SUCLG2: variants seen among roughly 807,000 people sequenced by gnomAD.
SUCLG2 encodes the protein succinate-CoA ligase GDP-forming subunit beta.
SUCLG2 carries 42 observed loss-of-function variants against 47.9 expected under a neutral mutation model. That is an observed-to-expected ratio of 0.88 (90% confidence interval 0.69 to 1.14). SUCLG2 has a LOEUF of 1.14. Ranked by LOEUF, SUCLG2 falls within the 50% of genes most tolerant of loss-of-function variation. The probability of loss-of-function intolerance (pLI) is 0.00; values close to 1 mark genes in which losing one functional copy is unlikely to be tolerated. For synonymous variants in SUCLG2, 195 were observed against 197.3 expected, an observed-to-expected ratio of 0.99 and a Z score of 0.10; for missense variants, 571 against 525.9, an observed-to-expected ratio of 1.09 and a Z score of -0.84.
downstream of SUCLG2, among the ~76,000 whole-genome samples, chr3:67,372,615 T>C (rs577397380): frequency 1.6e-4 from 25 of 152,262 alleles, no homozygotes; most frequent in South Asian, 5.0e-3. Context: ...CTTGTGGTGA[T>C]GGAAAGACAA....
At position 67,468,593 on chromosome 3, in the gene SUCLG2, G is replaced by C. The variant is rs79239939; in HGVS notation, c.1062+27205C>G. On this transcript the variant is annotated intron_variant, in intron 9 of 10. Coordinates refer to ENST00000307227, the MANE Select transcript of SUCLG2 (RefSeq NM_003848.4). ...AGAGAGATCAGATGGAATGTGAAGAGAAAGAAAAAGAGATGGGCCAAGGAG... is the reference window on the plus strand; with the variant it reads ...AGAGAGATCAGATGGAATGTGAAGACAAAGAAAAAGAGATGGGCCAAGGAG... 1.8e-4 allele frequency among the ~76,000 whole-genome samples: 27 copies of C among 152,234 alleles called. No homozygotes were observed. In the East Asian group the frequency reaches 5.2e-3, roughly 29 times the overall value.
intron 7 of SUCLG2, among the ~76,000 whole-genome samples, chr3:67,508,219 G>A (rs1705690849): frequency 6.6e-6 from 1 of 152,080 alleles, no homozygotes; most frequent in Non-Finnish European, 1.5e-5. Context: ...TATAAATCCA[G>A]CCCAGAACAC....
At chr3:67,561,602 A>G (rs1357135372) in intron 2 of SUCLG2, among the ~76,000 whole-genome samples, 2 of 152,230 alleles carry the variant, frequency 1.3e-5, no homozygotes, top group Non-Finnish European at 2.9e-5. Flanking sequence ...TTAGAAAAAT[A>G]TGTTAGGCCA....
chr3:67,361,183 A>C (rs1420253606), intron 10 of SUCLG2, among the ~76,000 whole-genome samples: 4 of 151,674 alleles, frequency 2.6e-5, no homozygotes, highest in African/African-American at 7.3e-5. Context: ...AAAAAAAATC[A>C]CTCAAGAGTC....
intron 2 of SUCLG2, among the ~76,000 whole-genome samples, chr3:67,583,465 C>T (rs1204931385): frequency 6.6e-6 from 1 of 152,184 alleles, no homozygotes; most frequent in Non-Finnish European, 1.5e-5. Flanking sequence ...AGCAATTTCA[C>T]TGCTGGGGAT....
chr3:67,565,147 C>G (rs1200711328), intron 2 of SUCLG2, among the ~76,000 whole-genome samples: 2 of 152,192 alleles, frequency 1.3e-5, no homozygotes, highest in Admixed American at 6.5e-5. Context: ...GGTCACTGCA[C>G]TAGGTGCTGA....
chr3:67,363,587 T>C (rs1298909205), intron 10 of SUCLG2, among the ~76,000 whole-genome samples: 1 of 152,178 alleles, frequency 6.6e-6, no homozygotes, highest in African/African-American at 2.4e-5. Flanking sequence ...TATCTAGGCA[T>C]TGAAAAATCA....
intron 9 of SUCLG2, among the ~76,000 whole-genome samples, chr3:67,430,907 A>G (rs1343812465): frequency 1.3e-5 from 2 of 152,226 alleles, no homozygotes; most frequent in Non-Finnish European, 2.9e-5. Context: ...ATCAGGAAGA[A>G]GTTGAATCTC....
At chr3:67,491,361 C>CTTTTT (rs549763218) in intron 9 of SUCLG2, among the ~76,000 whole-genome samples, 1 of 125,854 alleles carries the variant, frequency 7.9e-6, no homozygotes, top group African/African-American at 3.1e-5. Context: ...TTTTCTTTTA[C>CTTTTT]TTTTTTTTTT....
At chr3:67,622,333 T>G (rs1194559377) in intron 1 of SUCLG2, among the ~76,000 whole-genome samples, 1 of 152,314 alleles carries the variant, frequency 6.6e-6, no homozygotes, top group African/African-American at 2.4e-5. Context: ...CTTAGGAAGA[T>G]ACATACATAG....
chr3:67,453,466 T>C (rs1704106055), intron 9 of SUCLG2, among the ~76,000 whole-genome samples: 1 of 152,070 alleles, frequency 6.6e-6, no homozygotes, highest in South Asian at 2.1e-4. Flanking sequence ...TTGGGCCTAT[T>C]TCATAAGGAC....
intron 9 of SUCLG2, among the ~76,000 whole-genome samples, chr3:67,450,437 C>A (rs1704029103): frequency 6.6e-6 from 1 of 152,144 alleles, no homozygotes; most frequent in African/African-American, 2.4e-5. Context: ...CACCAAGAGA[C>A]TTTCTTGAGA....
At chr3:67,495,050 A>C (rs761682935) in intron 9 of SUCLG2, among the ~76,000 whole-genome samples, 15 of 152,202 alleles carry the variant, frequency 9.9e-5, no homozygotes, top group Non-Finnish European at 2.1e-4. Context: ...CATACAAAAG[A>C]AGGTGGGGCC....
intron 2 of SUCLG2, among the ~76,000 whole-genome samples, chr3:67,592,158 AAAT>A (rs1708180266): frequency 6.6e-6 from 1 of 152,184 alleles, no homozygotes; most frequent in East Asian, 1.9e-4. Context: ...TCATGTGGGA[AAAT>A]TAGAAGAAAA....
intron 9 of SUCLG2, among the ~76,000 whole-genome samples, chr3:67,492,440 T>C: frequency 6.6e-6 from 1 of 152,168 alleles, no homozygotes; most frequent in Non-Finnish European, 1.5e-5. Flanking sequence ...AAGGTTAACA[T>C]TCTATATAGT....
chr3:67,592,731 AAAAAAC>A (rs1559587004), intron 2 of SUCLG2, among the ~76,000 whole-genome samples: 1 of 124,422 alleles, frequency 8.0e-6, no homozygotes, highest in Non-Finnish European at 1.8e-5. Flanking sequence ...AAAAAAAAAA[AAAAAAC>A]AACAAAAAAA....
chr3:67,404,037 C>T (rs35535604), intron 9 of SUCLG2, among the ~76,000 whole-genome samples: 4,533 of 152,252 alleles, frequency 0.03, 114 homozygotes, highest in Non-Finnish European at 0.042. Flanking sequence ...AGGCAGCTGC[C>T]ACCACACCTG....
intron 9 of SUCLG2, among the ~76,000 whole-genome samples, chr3:67,413,353 T>C (rs1034013114): frequency 7.9e-5 from 12 of 152,306 alleles, no homozygotes; most frequent in Admixed American, 3.3e-4. Flanking sequence ...TGATGAAAGA[T>C]GGGCTCAATA....
chr3:67,419,989 T>C (rs973830558), intron 9 of SUCLG2, among the ~76,000 whole-genome samples: 3 of 152,158 alleles, frequency 2.0e-5, no homozygotes, highest in African/African-American at 7.2e-5. Context: ...GATTGCTTCA[T>C]GAAGATAATT....
Sources: allele counts gnomAD v4.1 joint callset (sites outside exome capture counted in the v4.1 genomes callset), GRCh38; gene constraint gnomAD v4.1.1; transcripts MANE v1.5; gene names NCBI Gene and HGNC (gene_info 2026-07-23, HGNC 2026-07-21).